The following LMX1A variants were observed in gnomAD, a reference collection of about 807,000 sequenced individuals.
LMX1A encodes LIM homeobox transcription factor 1-alpha.
A neutral mutation model predicts 49.1 loss-of-function variants in LMX1A; 15 were observed. The observed-to-expected ratio is 0.31, with a 90% CI of 0.20 to 0.47. The LOEUF (loss-of-function observed/expected upper bound fraction) is 0.47, where lower values mean the gene tolerates loss of function less well. LMX1A is among the 20% of genes least tolerant of loss of function. LMX1A has a pLI of 1.00. For missense variants in LMX1A, 372 were observed against 475.8 expected (o/e 0.78, Z 2.03); for synonymous variants, 167 against 185.7 (o/e 0.90, Z 0.82).
chr1:165,277,619 C>T (rs891436388), intron 3 of LMX1A, among the ~76,000 whole-genome samples: 1 of 152,214 alleles, frequency 6.6e-6, no homozygotes, highest in African/African-American at 2.4e-5. Context: ...CTTTACTCTA[C>T]CAGCCCTCTC....
intron 3 of LMX1A, among the ~76,000 whole-genome samples, chr1:165,301,006 T>C (rs1335960745): frequency 1.3e-5 from 2 of 152,168 alleles, no homozygotes; most frequent in Non-Finnish European, 1.5e-5. Context: ...GGAGCCCAGA[T>C]ATCTGCTTTC....
chr1:165,219,059 G>C (rs1387690518), intron 4 of LMX1A: 3 of 152,196 alleles, frequency 2.0e-5, no homozygotes, highest in Non-Finnish European at 2.9e-5. Context: ...ATGTTTCTCA[G>C]GGCCTTTCTT....
intron 4 of LMX1A, among the ~76,000 whole-genome samples, chr1:165,226,266 C>T (rs1652032675): frequency 6.6e-6 from 1 of 152,234 alleles, no homozygotes; most frequent in South Asian, 2.1e-4. Context: ...TGAAAGGAAT[C>T]TGCATCATGA....
chr1:165,291,869 C>G (rs2101715863), intron 3 of LMX1A, among the ~76,000 whole-genome samples: 1 of 151,934 alleles, frequency 6.6e-6, no homozygotes, highest in African/African-American at 2.4e-5. Flanking sequence ...CGAGACCATC[C>G]TGGCTAACAC....
chr1:165,259,864 T>C (rs1227332054), intron 3 of LMX1A, among the ~76,000 whole-genome samples: 2 of 152,220 alleles, frequency 1.3e-5, no homozygotes, highest in Admixed American at 1.3e-4. Context: ...ATGAGTGCAC[T>C]GTGTGTGGGA....
chr1:165,267,867 T>C (rs1187947889), intron 3 of LMX1A, among the ~76,000 whole-genome samples: 1 of 152,122 alleles, frequency 6.6e-6, no homozygotes, highest in Non-Finnish European at 1.5e-5. Flanking sequence ...CTCAGTGGAA[T>C]GAGAGGACAT....
intron 4 of LMX1A, among the ~76,000 whole-genome samples, chr1:165,215,489 A>G (rs2102605936): frequency 6.6e-6 from 1 of 152,264 alleles, no homozygotes; most frequent in East Asian, 1.9e-4. Context: ...CCACTTCAAG[A>G]AAGCAAAGAT....
chr1:165,231,416 C>T (rs902166055), intron 4 of LMX1A, among the ~76,000 whole-genome samples: 34 of 152,016 alleles, frequency 2.2e-4, no homozygotes, highest in Non-Finnish European at 3.4e-4. Context: ...CATCCTACAG[C>T]CTCAGCCTCC....
At chr1:165,350,172 C>T (rs1241404266) in intron 3 of LMX1A, among the ~76,000 whole-genome samples, 9 of 29,284 alleles carry the variant, frequency 3.1e-4, no homozygotes, top group African/African-American at 1.1e-3. Context: ...CAAAGATCCA[C>T]CAAAAAAAAA....
At chr1:165,283,635 T>C (rs1171757190) in intron 3 of LMX1A, among the ~76,000 whole-genome samples, 1 of 152,218 alleles carries the variant, frequency 6.6e-6, no homozygotes, top group Admixed American at 6.5e-5. Context: ...ATACCCTGCA[T>C]AGCATTGCTT....
intron 4 of LMX1A, among the ~76,000 whole-genome samples, chr1:165,238,359 C>A (rs889966203): frequency 5.9e-5 from 9 of 152,100 alleles, no homozygotes; most frequent in African/African-American, 2.2e-4. Context: ...ATCAAATAAG[C>A]CACAGGAGCA....
Position 165,350,538 on chromosome 1 carries a change from A to ATT in LMX1A, c.263+2536_263+2537dup, listed in dbSNP as rs11326500. 1.0e-3 allele frequency among the ~76,000 whole-genome samples: 153 copies of ATT among 149,924 alleles called. No individual in the cohort carries two copies. In the Middle Eastern group the frequency reaches 0.01, roughly 10 times the overall value. On this transcript the variant is annotated intron_variant, in intron 3 of 8. Coordinates refer to ENST00000342310, the MANE Select transcript of LMX1A (RefSeq NM_177398.4). Reference sequence around the variant, plus strand: ...GAATAAAGAAGTTTGTCCTGAGCCTATTTTTTTTTTTACAAAACAAACAAA... The same window carrying ATT: ...GAATAAAGAAGTTTGTCCTGAGCCTATTTTTTTTTTTTTACAAAACAAACAAA...
intron 3 of LMX1A, among the ~76,000 whole-genome samples, chr1:165,275,518 T>G (rs1433543696): frequency 1.3e-5 from 2 of 152,176 alleles, no homozygotes; most frequent in African/African-American, 4.8e-5. Flanking sequence ...CTCCCAATAT[T>G]CATAGACCCT....
At chr1:165,247,054 C>CTTTTTTTTTTTTTTTTTTTATTTTTTTT (rs1652878227) in intron 4 of LMX1A, among the ~76,000 whole-genome samples, 1 of 53,228 alleles carries the variant, frequency 1.9e-5, no homozygotes, top group Non-Finnish European at 3.3e-5. Context: ...TCAGCTTTTT[C>CTTTTTTTTTTTTTTTTTTTATTTTTTTT]TTTTTTTTTT....
chr1:165,236,185 G>A (rs1652432018), intron 4 of LMX1A, among the ~76,000 whole-genome samples: 1 of 152,348 alleles, frequency 6.6e-6, no homozygotes, highest in East Asian at 1.9e-4. Flanking sequence ...GAGTTGCCAA[G>A]GTAACGGGTG....
chr1:165,329,257 C>G (rs1655671545), intron 3 of LMX1A, among the ~76,000 whole-genome samples: 1 of 152,170 alleles, frequency 6.6e-6, no homozygotes. Flanking sequence ...ATGGGGAAAC[C>G]ACTCCCATGA....
At chr1:165,298,613 G>A (rs1055158753) in intron 3 of LMX1A, among the ~76,000 whole-genome samples, 2 of 152,208 alleles carry the variant, frequency 1.3e-5, no homozygotes, top group Non-Finnish European at 2.9e-5. Flanking sequence ...CACATCATCT[G>A]AGATCATCTC....
At position 165,210,734 on chromosome 1, in the gene LMX1A, C is replaced by T; in HGVS notation, c.712G>A (p.Val238Ile). Reference protein sequence around the residue: ...LAAETGLSVRVVQVWFQNQRA... With the variant: ...LAAETGLSVRIVQVWFQNQRA... ...TGGTTTTGGAACCACACCTGGACGA[C>T]ACGGACACTCAGCCCTGTCTCTGCA... The change falls in exon 6 of 9, where the codon GTC (valine) becomes ATC (isoleucine). Residue 238 changes from valine (V) to isoleucine (I), a missense_variant. Around this residue, in one of 3 missense-constraint regions of LMX1A, gnomAD observed 46 missense variants for 93.8 expected, o/e 0.49. Transcript: ENST00000342310. 1 of 1,614,032 alleles carries T rather than the reference C, an allele frequency of 6.2e-7. No individual in the cohort carries two copies. The highest frequency in any genetic ancestry group is 8.5e-7 in the Non-Finnish European group (1 of 1,179,950).
chr1:165,313,654 G>C (rs1655140351), intron 3 of LMX1A, among the ~76,000 whole-genome samples: 2 of 152,004 alleles, frequency 1.3e-5, no homozygotes, highest in Admixed American at 1.3e-4. Flanking sequence ...GCAGTTACCA[G>C]AGCCCACGAA....
Sources: allele counts gnomAD v4.1 joint callset (sites outside exome capture counted in the v4.1 genomes callset), GRCh38; gene constraint gnomAD v4.1.1; regional missense constraint gnomAD v4.1.1; transcripts MANE v1.5; gene names NCBI Gene and HGNC (gene_info 2026-07-23, HGNC 2026-07-21).